NWD1: variants seen among roughly 807,000 people sequenced by gnomAD.
NWD1 encodes the protein NACHT domain- and WD repeat-containing protein 1.
NWD1 carries 129 observed loss-of-function variants against 135.1 expected under a neutral mutation model. The observed-to-expected ratio is 0.96, with a 90% confidence interval of 0.83 to 1.11. NWD1 has a LOEUF of 1.11. Among genes scored for constraint, NWD1 ranks in the 50% least tolerant of loss-of-function variants. The probability of loss-of-function intolerance (pLI) is 0.00; values close to 1 mark genes in which losing one functional copy is unlikely to be tolerated. For missense variants in NWD1, 1,740 were observed against 1,851.3 expected (o/e 0.94, Z 1.10); for synonymous variants, 773 against 786.0 (o/e 0.98, Z 0.28).
At chr19:16,735,629 G>C (rs1967762246) in intron 3 of NWD1, among the ~76,000 whole-genome samples, 1 of 150,894 alleles carries the variant, frequency 6.6e-6, no homozygotes, top group African/African-American at 2.4e-5. Flanking sequence ...AAGAGTTCGA[G>C]ACCAGCCTGG....
intron 6 of NWD1, among the ~76,000 whole-genome samples, chr19:16,753,534 G>A (rs562401925): frequency 2.0e-5 from 3 of 152,268 alleles, no homozygotes; most frequent in South Asian, 2.1e-4. Flanking sequence ...GCTAGAGGTC[G>A]TCACCTCAGG....
At chr19:16,786,119 C>A (rs1003007282) in intron 12 of NWD1, among the ~76,000 whole-genome samples, 1 of 152,152 alleles carries the variant, frequency 6.6e-6, no homozygotes, top group Non-Finnish European at 1.5e-5. Context: ...CCCACCTTGG[C>A]CTTCCAAAGT....
intron 14 of NWD1, among the ~76,000 whole-genome samples, 165 bp from the exon 15 acceptor site, chr19:16,794,298 G>A (rs545537872): frequency 5.9e-5 from 9 of 152,266 alleles, no homozygotes; most frequent in East Asian, 1.9e-4. Flanking sequence ...CCCGGGAGGC[G>A]GAGGTTGCAG....
At chr19:16,794,047 C>A (rs769701370) in intron 14 of NWD1, among the ~76,000 whole-genome samples, 5 of 152,150 alleles carry the variant, frequency 3.3e-5, no homozygotes, top group Non-Finnish European at 7.4e-5. Context: ...GGGTGTACCA[C>A]CATGCCCAGC....
chr19:16,797,745 G>T lies in NWD1; in HGVS notation c.3318G>T (p.Ser1106=), dbSNP rs755764453. ...ESLLAAGFGR[S]VRIFLADSRG... is the part of the protein sequence containing the mutation. ...CTGCCGTTTCAGGCTTTGGAAGATCGGTGCGGATATTCTTGGCGGACTCGA... is the reference window on the plus strand; with the variant it reads ...CTGCCGTTTCAGGCTTTGGAAGATCTGTGCGGATATTCTTGGCGGACTCGA... The change falls in exon 16 of 19, where the codon TCG becomes TCT. Residue 1106 remains serine, a synonymous_variant. Transcript: ENST00000524140. 1 of 1,613,856 alleles carries T rather than the reference G, an allele frequency of 6.2e-7. No homozygotes were observed. Among genetic ancestry groups the T allele is most frequent in the African/African-American group, 1.3e-5 (1 of 75,024 alleles).
chr19:16,793,552 T>A (rs896068277), intron 14 of NWD1, among the ~76,000 whole-genome samples: 4 of 147,578 alleles, frequency 2.7e-5, no homozygotes, highest in Non-Finnish European at 6.0e-5. Context: ...CTTTTTTTTT[T>A]AACTGTTTTT....
At chr19:16,801,833 C>T (rs1055627812) in intron 17 of NWD1, 2 of 152,206 alleles carry the variant, frequency 1.3e-5, no homozygotes, top group Admixed American at 1.3e-4. Flanking sequence ...CCTCTCCTGG[C>T]AAGGCAGTGG....
chr19:16,771,514 A>G (rs528104530), intron 10 of NWD1, among the ~76,000 whole-genome samples: 2 of 152,352 alleles, frequency 1.3e-5, no homozygotes, highest in East Asian at 3.9e-4. Flanking sequence ...AATTTAAGGC[A>G]ACTGGAAAGA....
At position 16,816,437 on chromosome 19, in the gene NWD1, C is replaced by A. The variant is rs1971069925; in HGVS notation, c.*1398C>A. On this transcript the variant is annotated 3_prime_UTR_variant, in exon 19 of 19. Transcript: ENST00000524140. ...AAACAATCAACATGTTATAGTTCAT[C>A]CCTCTCTATTCCTTGGCTCCCAAAC... is the stretch of plus-strand genomic sequence containing the variant. 3 of 152,194 alleles carry A rather than the reference C, an allele frequency of 2.0e-5. No individual in the cohort carries two copies. Among genetic ancestry groups the A allele is most frequent in the Non-Finnish European group, 4.4e-5 (3 of 68,044 alleles). 9.4% of individuals were successfully genotyped at this position (152,194 alleles called of 1,614,324 possible). A position where few individuals can be genotyped will look rare whatever the true frequency, so the allele number is the denominator to read the frequency against.
intron 8 of NWD1, among the ~76,000 whole-genome samples, chr19:16,762,594 T>C (rs1321046097): frequency 3.3e-5 from 5 of 152,302 alleles, no homozygotes; most frequent in Admixed American, 2.6e-4. Flanking sequence ...TATTGTGGAC[T>C]CTTCTCCCTG....
chr19:16,812,934 C>T, intron 18 of NWD1: 3 of 765,022 alleles, frequency 3.9e-6, no homozygotes, highest in Non-Finnish European at 4.9e-6. Context: ...ATTAGAGGGC[C>T]CTGCTCTGGC....
At chr19:16,741,649 A>T (rs931696544) in intron 4 of NWD1, among the ~76,000 whole-genome samples, 2 of 151,942 alleles carry the variant, frequency 1.3e-5, no homozygotes, top group African/African-American at 2.4e-5. Flanking sequence ...GATTACAGGC[A>T]TGAGCTACCA....
At chr19:16,771,940 C>A (rs1372354716) in intron 10 of NWD1, among the ~76,000 whole-genome samples, 1 of 151,304 alleles carries the variant, frequency 6.6e-6, no homozygotes, top group Non-Finnish European at 1.5e-5. Context: ...GGATTACAGG[C>A]CTGCGCGCCA....
At chr19:16,788,811 G>T (rs1970144502) in intron 12 of NWD1, among the ~76,000 whole-genome samples, 171 bp from the exon 13 acceptor site, 1 of 151,900 alleles carries the variant, frequency 6.6e-6, no homozygotes, top group Non-Finnish European at 1.5e-5. Flanking sequence ...TGTTTGCCAG[G>T]GTTTTCTTAA....
At chr19:16,745,018 A>G in intron 5 of NWD1, 2 of 571,950 alleles carry the variant, frequency 3.5e-6, no homozygotes, top group South Asian at 3.1e-5. Context: ...TAATAAAGGC[A>G]TACTTGAGGC....
intron 13 of NWD1, among the ~76,000 whole-genome samples, chr19:16,790,229 C>T (rs766838542): frequency 6.6e-6 from 1 of 152,088 alleles, no homozygotes; most frequent in South Asian, 2.1e-4. Context: ...AACTCAGTGA[C>T]CTTGGTTGTG....
chr19:16,775,207 G>C (rs1170935571), intron 11 of NWD1, among the ~76,000 whole-genome samples: 1 of 152,070 alleles, frequency 6.6e-6, no homozygotes, highest in Non-Finnish European at 1.5e-5. Flanking sequence ...TGATTTAGGG[G>C]CAGCCACTAG....
chr19:16,796,809 G>T (rs559793729), intron 15 of NWD1, among the ~76,000 whole-genome samples: 4 of 152,202 alleles, frequency 2.6e-5, no homozygotes, highest in Non-Finnish European at 4.4e-5. Context: ...GAGATACCAT[G>T]ATGAGCCAAA....
intron 12 of NWD1, among the ~76,000 whole-genome samples, chr19:16,779,959 T>C (rs1250457957): frequency 6.6e-6 from 1 of 152,144 alleles, no homozygotes; most frequent in Admixed American, 6.6e-5. Context: ...TTCCTGTGCA[T>C]TGGCAATGCA....
Sources: gnomAD v4.1 joint callset for allele counts (sites outside exome capture counted in the v4.1 genomes callset) on GRCh38, gnomAD v4.1.1 for gene constraint, MANE v1.5 for transcripts, NCBI Gene and HGNC (gene_info 2026-07-23, HGNC 2026-07-21) for gene names.